PALM2AKAP2: variants seen among roughly 807,000 people sequenced by gnomAD.
PALM2AKAP2 encodes PALM2-AKAP2 fusion protein.
A neutral mutation model predicts 71.5 loss-of-function variants in PALM2AKAP2; 37 were observed. That is an observed-to-expected ratio of 0.52 (90% CI 0.40 to 0.68). The LOEUF is 0.68. PALM2AKAP2 is among the 30% of genes least tolerant of loss of function. The probability of loss-of-function intolerance (pLI) is 0.00; values close to 1 mark genes in which losing one functional copy is unlikely to be tolerated. For missense variants in PALM2AKAP2, 1,224 were observed against 1,191.8 expected (o/e 1.03, Z -0.40); for synonymous variants, 468 against 478.8 (o/e 0.98, Z 0.29).
intron 6 of PALM2AKAP2, among the ~76,000 whole-genome samples, chr9:109,960,301 T>C (rs1831829827): frequency 6.6e-6 from 1 of 152,226 alleles, no homozygotes; most frequent in African/African-American, 2.4e-5. Flanking sequence ...CTCTGCACAC[T>C]GCACTCCTGC....
upstream of PALM2AKAP2, among the ~76,000 whole-genome samples, chr9:109,775,594 C>T (rs940387890): frequency 6.6e-6 from 1 of 152,174 alleles, no homozygotes; most frequent in Non-Finnish European, 1.5e-5. Flanking sequence ...TTCAAAAGAT[C>T]CCAGGCAAAA....
At chr9:110,090,599 G>C (rs565418729) in intron 1 of PALM2AKAP2, among the ~76,000 whole-genome samples, 7 of 152,314 alleles carry the variant, frequency 4.6e-5, no homozygotes, top group East Asian at 1.9e-4. Context: ...GTTTCTGGGA[G>C]TTCTAAAAAG....
chr9:109,766,626 T>C (rs972712166), intron 1 of PALM2AKAP2, among the ~76,000 whole-genome samples: 5 of 152,250 alleles, frequency 3.3e-5, no homozygotes, highest in Admixed American at 6.5e-5. Context: ...TTGCTGCATG[T>C]TGATAAGGCA....
At chr9:109,691,899 T>C (rs551927811) in intron 1 of PALM2AKAP2, among the ~76,000 whole-genome samples, 830 of 62,202 alleles carry the variant, frequency 0.013, 15 homozygotes, top group African/African-American at 0.043. Context: ...TATATATATA[T>C]ATACACACAC....
intron 1 of PALM2AKAP2, among the ~76,000 whole-genome samples, chr9:109,700,007 C>T (rs1305774486): frequency 3.3e-5 from 5 of 152,154 alleles, no homozygotes; most frequent in African/African-American, 2.4e-5. Flanking sequence ...ATCTCCTGAC[C>T]TCGTAATCTG....
intron 3 of PALM2AKAP2, among the ~76,000 whole-genome samples, chr9:109,887,343 G>C (rs974477527): frequency 1.3e-5 from 2 of 152,158 alleles, no homozygotes; most frequent in African/African-American, 4.8e-5. Flanking sequence ...TTTTGAGCAG[G>C]GAGGGGAACA....
Position 109,703,099 on chromosome 9 carries a change from G to A in PALM2AKAP2, c.5+62233G>A, listed in dbSNP as rs567785741. On this transcript the variant is annotated intron_variant, in intron 1 of 6. Coordinates refer to the PALM2AKAP2 transcript ENST00000374531. ...CTCTCAAAGTGCTGGAATTATAGGC[G>A]TGAGCCACTGTGCCTGGCCTATTTT... Among the ~76,000 whole-genome samples the A allele has an allele frequency of 1.4e-3, 208 of 152,266 alleles. 1 individual carries two copies. The highest frequency in any genetic ancestry group is 4.5e-3 in the African/African-American group (189 of 41,552).
intron 1 of PALM2AKAP2, among the ~76,000 whole-genome samples, chr9:109,797,598 A>C (rs1435416501): frequency 6.6e-6 from 1 of 152,206 alleles, no homozygotes; most frequent in Admixed American, 6.5e-5. Flanking sequence ...CACCACATGC[A>C]CCAGCTTCAA....
chr9:109,813,924 CCTT>C (rs1358516220), intron 1 of PALM2AKAP2, among the ~76,000 whole-genome samples: 5 of 152,236 alleles, frequency 3.3e-5, no homozygotes, highest in African/African-American at 1.2e-4. Context: ...GATGGTTCAT[CCTT>C]CTTGCTGGTT....
chr9:109,952,304 G>C (rs1231968676), intron 6 of PALM2AKAP2, among the ~76,000 whole-genome samples: 7 of 152,150 alleles, frequency 4.6e-5, no homozygotes, highest in Admixed American at 4.6e-4. Flanking sequence ...CAAAAAAAAA[G>C]TTTCAAAAAA....
At chr9:109,713,315 TG>T (rs1266185658) in intron 1 of PALM2AKAP2, among the ~76,000 whole-genome samples, 4 of 152,094 alleles carry the variant, frequency 2.6e-5, no homozygotes, top group South Asian at 2.1e-4. Flanking sequence ...GAACTGAAAG[TG>T]GGGGCTGGGA....
At chr9:110,018,523 G>A (rs1195733272) in intron 7 of PALM2AKAP2, among the ~76,000 whole-genome samples, 1 of 151,990 alleles carries the variant, frequency 6.6e-6, no homozygotes, top group Non-Finnish European at 1.5e-5. Context: ...TAAAGATGGG[G>A]TTTCACCATG....
intron 1 of PALM2AKAP2, among the ~76,000 whole-genome samples, chr9:109,729,047 T>G (rs1371787538): frequency 6.6e-6 from 1 of 152,202 alleles, no homozygotes; most frequent in African/African-American, 2.4e-5. Context: ...GGCTGCTACG[T>G]TTTTTCAAAT....
chr9:110,061,992 CTTAGTGCTTAATACAAACTAAGCTTGTTG>C (rs1833975068), intron 1 of PALM2AKAP2, among the ~76,000 whole-genome samples: 1 of 151,844 alleles, frequency 6.6e-6, no homozygotes, highest in Non-Finnish European at 1.5e-5. Context: ...ATGCTGCCTT[CTTAGTGCTTAATACAAACTAAGCTTGTTG>C]TCTCCTTTTA....
At chr9:109,818,089 G>A (rs1459609428) in intron 1 of PALM2AKAP2, among the ~76,000 whole-genome samples, 17 of 152,174 alleles carry the variant, frequency 1.1e-4, no homozygotes, top group Admixed American at 1.1e-3. Context: ...TTCTTAGCAT[G>A]TGTTCAACCC....
chr9:109,884,851 G>A (rs1829931287), intron 3 of PALM2AKAP2, among the ~76,000 whole-genome samples: 1 of 152,150 alleles, frequency 6.6e-6, no homozygotes, highest in African/African-American at 2.4e-5. Flanking sequence ...AGACACTGAA[G>A]GAGGAATAGA....
At chr9:109,902,052 G>C (rs1318827276) in intron 3 of PALM2AKAP2, among the ~76,000 whole-genome samples, 3 of 152,040 alleles carry the variant, frequency 2.0e-5, no homozygotes, top group African/African-American at 7.3e-5. Context: ...TTTCCCCAGG[G>C]TTCCCAAAGA....
rs1339187855 is a variant in PALM2AKAP2, at chr9:109,640,894, C to T, written c.5+28C>T. The T allele has an allele frequency of 4.6e-6, 7 of 1,511,574 alleles. No homozygotes were observed. The East Asian group carries it at 1.8e-4, about 40-fold the overall frequency. 93.6% of individuals were successfully genotyped at this position (1,511,574 alleles called of 1,614,324 possible). A position where few individuals can be genotyped will look rare whatever the true frequency, so the allele number is the denominator to read the frequency against. ...GAGTATCCCCGAGCCGCGCCGCCAG[C>T]TGCTCTCCTCTCGGCATGTTGCCAT... On this transcript the variant is annotated intron_variant, in intron 1 of 6. Transcript: ENST00000374531.
At chr9:109,806,003 AC>A (rs1405645619) in intron 1 of PALM2AKAP2, among the ~76,000 whole-genome samples, 1 of 152,162 alleles carries the variant, frequency 6.6e-6, no homozygotes, top group Non-Finnish European at 1.5e-5. Context: ...TGGGTTTGAG[AC>A]CAGCCATTAC....
Sources: gnomAD v4.1 joint callset for allele counts (sites outside exome capture counted in the v4.1 genomes callset) on GRCh38, gnomAD v4.1.1 for gene constraint, MANE v1.5 for transcripts, NCBI Gene and HGNC (gene_info 2026-07-23, HGNC 2026-07-21) for gene names.